ACOT1: variants seen among roughly 807,000 people sequenced by gnomAD.
The protein encoded by ACOT1 is acyl-CoA thioesterase 1.
A neutral mutation model predicts 15.7 loss-of-function variants in ACOT1; 8 were observed. The observed-to-expected ratio is 0.51, with a 90% CI of 0.30 to 0.92. The LOEUF is 0.92. ACOT1 is among the 40% of genes least tolerant of loss of function. The pLI is 0.06. For missense variants in ACOT1, 151 were observed against 539.4 expected (o/e 0.28, Z 7.13); for synonymous variants, 67 against 241.2 (o/e 0.28, Z 6.69).
chr14:73,510,642 G>C, the ACOT1 span, among the ~76,000 whole-genome samples: 4 of 151,970 alleles, frequency 2.6e-5, no homozygotes, highest in African/African-American at 9.7e-5. Context: ...CACCATGTTG[G>C]CCAGGCTGGT....
At chr14:73,496,419 C>T in the ACOT1 span, among the ~76,000 whole-genome samples, 1 of 152,098 alleles carries the variant, frequency 6.6e-6, no homozygotes, top group Non-Finnish European at 1.5e-5. Context: ...CTAGTAGGAC[C>T]TTGTAACCCA....
the ACOT1 span, among the ~76,000 whole-genome samples, chr14:73,502,353 G>T: frequency 6.6e-6 from 1 of 152,072 alleles, no homozygotes; most frequent in East Asian, 1.9e-4. Context: ...TTTGCATGTG[G>T]TCATCAGAAT....
chr14:73,521,075 A>G, the ACOT1 span: 3 of 1,575,486 alleles, frequency 1.9e-6, no homozygotes, highest in South Asian at 3.4e-5. Flanking sequence ...AAAGGGGGAA[A>G]GAGTAGGAGG....
chr14:73,502,865 G>T, the ACOT1 span: 1 of 1,501,172 alleles, frequency 6.7e-7, no homozygotes, highest in South Asian at 1.2e-5. Context: ...GAATTTAGAA[G>T]AGTGTCTCCT....
the ACOT1 span, chr14:73,493,327 A>C: frequency 1.8e-6 from 1 of 544,842 alleles, no homozygotes; most frequent in South Asian, 2.8e-5. Flanking sequence ...GGTCGGGGTC[A>C]GTATCCTGTT....
chr14:73,498,057 C>G, the ACOT1 span: 26 of 1,148,262 alleles, frequency 2.3e-5, no homozygotes, highest in Non-Finnish European at 3.2e-5. Context: ...CTTTTACTGC[C>G]ATTAGGTAGC....
the ACOT1 span, chr14:73,522,919 C>T: frequency 1.2e-6 from 2 of 1,614,212 alleles, no homozygotes; most frequent in African/African-American, 1.3e-5. Flanking sequence ...CTCGCTGCCA[C>T]ACCACCTCCT....
chr14:73,541,333 A>C lies in ACOT1; in HGVS notation c.458-160A>C, dbSNP rs113041847. ...AAAGTCACTATAAACACTTGCCAGA[A>C]GTTTCTGGACGAACACAGGTTTTCA... On this transcript the variant is annotated intron_variant, in intron 1 of 2. Transcript: ENST00000311148. Among the ~76,000 whole-genome samples, 2 of 111,994 alleles carry C rather than the reference A, an allele frequency of 1.8e-5. 1 individual carries two copies. The highest frequency in any genetic ancestry group is 2.0e-4 in the Admixed American group (2 of 10,132). 73.5% of individuals were successfully genotyped at this position (111,994 alleles called of 152,430 possible). A position where few individuals can be genotyped will look rare whatever the true frequency, so the allele number is the denominator to read the frequency against.
chr14:73,529,734 C>T, the ACOT1 span, among the ~76,000 whole-genome samples: 5 of 152,166 alleles, frequency 3.3e-5, no homozygotes, highest in South Asian at 6.2e-4. Flanking sequence ...GGTTGAGTAA[C>T]GTGTGCTAAA....
chr14:73,492,671 C>G, the ACOT1 span: 1 of 1,613,982 alleles, frequency 6.2e-7, no homozygotes, highest in Non-Finnish European at 8.5e-7. The surrounding 1 kb of genome is among the most constrained non-coding windows in gnomAD (Gnocchi z 4.9). Flanking sequence ...CCATATGCTT[C>G]AGGATGGGAT....
At chr14:73,518,307 G>T in the ACOT1 span, among the ~76,000 whole-genome samples, 6 of 151,592 alleles carry the variant, frequency 4.0e-5, no homozygotes, top group East Asian at 1.2e-3. Flanking sequence ...TGGAGGCTGA[G>T]GCAGGGGAAT....
At chr14:73,533,162 A>G (rs1234005921), upstream of ACOT1, among the ~76,000 whole-genome samples, 1 of 113,204 alleles carries the variant, frequency 8.8e-6, no homozygotes, top group Non-Finnish European at 1.9e-5. Flanking sequence ...AGGTTCCTCA[A>G]AAAATTAAAT....
chr14:73,514,268 C>T, the ACOT1 span: 11 of 1,592,708 alleles, frequency 6.9e-6, no homozygotes, highest in Non-Finnish European at 8.6e-6. Flanking sequence ...TCTTTTCACC[C>T]CACTGCCTTA....
chr14:73,536,977 GT>G, upstream of ACOT1: 1 of 65,498 alleles, frequency 1.5e-5, no homozygotes. Flanking sequence ...TAGCTGCCTG[GT>G]TGTTGTTGTT....
chr14:73,499,791 C>T, the ACOT1 span, among the ~76,000 whole-genome samples: 1 of 152,118 alleles, frequency 6.6e-6, no homozygotes, highest in Non-Finnish European at 1.5e-5. Flanking sequence ...TAATGAGAAG[C>T]TAGTTAACTG....
At chr14:73,490,951 T>G in the ACOT1 span, 14 of 1,285,030 alleles carry the variant, frequency 1.1e-5, 1 homozygote, top group Non-Finnish European at 1.4e-5. Context: ...CCGCAGCCGC[T>G]GCATTCAGGA....
At chr14:73,512,497 T>G in the ACOT1 span, among the ~76,000 whole-genome samples, 1 of 152,210 alleles carries the variant, frequency 6.6e-6, no homozygotes, top group African/African-American at 2.4e-5. Flanking sequence ...ATCACAGTTA[T>G]TAGCTGTGTG....
the ACOT1 span, chr14:73,490,994 G>C: frequency 1.5e-6 from 2 of 1,351,828 alleles, no homozygotes; most frequent in East Asian, 2.9e-5. Context: ...CCGGCCGGGC[G>C]GGGAAGACTG....
chr14:73,519,153 C>T, the ACOT1 span: 1 of 1,612,758 alleles, frequency 6.2e-7, no homozygotes, highest in South Asian at 1.1e-5. Context: ...GGTGGATGAT[C>T]TGGACTTCAT....
Sources: allele counts gnomAD v4.1 joint callset (sites outside exome capture counted in the v4.1 genomes callset), GRCh38; gene constraint gnomAD v4.1.1; non-coding constraint Gnocchi (gnomAD v3.1); transcripts MANE v1.5; gene names NCBI Gene and HGNC (gene_info 2026-07-23, HGNC 2026-07-21).